TNK2: variants seen among roughly 807,000 people sequenced by gnomAD.
TNK2 encodes tyrosine kinase non receptor 2, also known as activated CDC42 kinase 1.
Under a neutral mutation model 101.8 loss-of-function variants are expected in TNK2, and 83 were observed. The observed-to-expected ratio is 0.82, with a 90% CI of 0.68 to 0.98. TNK2 has a LOEUF of 0.98. Ranked by LOEUF, TNK2 falls within the 50% of genes least tolerant of loss-of-function variation. The pLI is 0.00. For missense variants in TNK2, 1,665 were observed against 1,483.2 expected, an observed-to-expected ratio of 1.12 and a Z score of -2.01; for synonymous variants, 804 against 633.0, an observed-to-expected ratio of 1.27 and a Z score of -4.06.
At chr3:195,880,427 C>T (rs1235514664) in intron 6 of TNK2, among the ~76,000 whole-genome samples, 1 of 131,742 alleles carries the variant, frequency 7.6e-6, no homozygotes. Context: ...AGCAATGCCC[C>T]TTGAAGAGGA....
chr3:195,883,219 A>G lies in TNK2; in HGVS notation c.547T>C (p.Ser183Pro), dbSNP rs1754017568. 6.2e-7 allele frequency: 1 copy of G among 1,611,126 alleles called. No individual in the cohort carries two copies. The highest frequency in any genetic ancestry group is 8.5e-7 in the Non-Finnish European group (1 of 1,179,620). Residue 183 changes from serine to proline, a missense_variant, in exon 5 of 16, where the codon TCG becomes CCG. This residue lies in a region of TNK2 where 490 missense variants were observed against 522.5 expected (regional missense o/e 0.94). Coordinates refer to ENST00000672887, the MANE Select transcript of TNK2 (RefSeq NM_001382273.1). ...DFIREVNAMH[S>P]LDHRNLIRLY... is the part of the protein sequence containing the mutation. Reference sequence around the variant, plus strand: ...CGGATGAGGTTTCGGTGGTCGAGCGAGTGCATGGCATTGACCTCCCGGATG... The same window carrying G: ...CGGATGAGGTTTCGGTGGTCGAGCGGGTGCATGGCATTGACCTCCCGGATG...
intron 1 of TNK2, chr3:195,895,151 G>T: frequency 8.0e-7 from 1 of 1,254,568 alleles, no homozygotes; most frequent in Non-Finnish European, 1.1e-6. Flanking sequence ...TCTCACTCCT[G>T]AGGCCGCCGC....
chr3:195,898,016 G>A (rs1286879242), intron 1 of TNK2, among the ~76,000 whole-genome samples: 1 of 151,496 alleles, frequency 6.6e-6, no homozygotes, highest in Admixed American at 6.6e-5. Context: ...GACATTTACA[G>A]GGCAGCTCCA....
chr3:195,886,947 T>C lies in TNK2; in HGVS notation c.234+30A>G, dbSNP rs372854074. ...AGGGGGGCGTTCGAGGCTGCCCCCC[T>C]CCCACCTCCTCACCCACCTCCTCAC... On this transcript the variant is annotated intron_variant, in intron 3 of 15. Coordinates refer to ENST00000672887, the MANE Select transcript of TNK2 (RefSeq NM_001382273.1). The surrounding 1 kb of genome is among the most constrained non-coding windows in gnomAD (Gnocchi z 4.2). The C allele has an allele frequency of 2.5e-6, 3 of 1,204,926 alleles. No homozygotes were observed. The highest frequency in any genetic ancestry group is 1.5e-5 in the African/African-American group (1 of 64,706). The allele number at this position is 1,204,926 out of a possible 1,614,324, so 74.6% of individuals were successfully genotyped here.
intron 9 of TNK2, chr3:195,876,758 G>A (rs898882161): frequency 1.9e-5 from 8 of 415,772 alleles, no homozygotes; most frequent in Admixed American, 5.3e-5. Context: ...ACGGAAGGGC[G>A]GGGCGGGGCA....
rs771037725 is a variant in TNK2 at position 195,882,440 on chromosome 3, C to G, written c.610-112G>C. ...GAAGGCTTTCCAGAGCCAGGCTGCACGCACCTTCCTGGCCTGCTGTCTGGG... is the reference window on the plus strand; with the variant it reads ...GAAGGCTTTCCAGAGCCAGGCTGCAGGCACCTTCCTGGCCTGCTGTCTGGG... On this transcript the variant is annotated intron_variant, in intron 5 of 15. Coordinates refer to ENST00000672887, the MANE Select transcript of TNK2 (RefSeq NM_001382273.1). The surrounding 1 kb of genome is among the most constrained non-coding windows in gnomAD (Gnocchi z 4.2). 3 of 1,559,344 alleles carry G rather than the reference C, an allele frequency of 1.9e-6. No individual in the cohort carries two copies. Among genetic ancestry groups the G allele is most frequent in the East Asian group, 4.8e-5 (2 of 41,420 alleles).
At chr3:195,899,224 T>G (rs1204607430) in intron 1 of TNK2, among the ~76,000 whole-genome samples, 1 of 152,266 alleles carries the variant, frequency 6.6e-6, no homozygotes, top group Non-Finnish European at 1.5e-5. Context: ...CTTCTGTAAA[T>G]TCCCATTTCC....
Position 195,872,347 on chromosome 3 carries a change from G to A in TNK2, c.1380C>T (p.Asn460=). 1 of 1,613,412 alleles carries A rather than the reference G, an allele frequency of 6.2e-7. No individual in the cohort carries two copies. Among genetic ancestry groups the A allele is most frequent in the Non-Finnish European group, 8.5e-7 (1 of 1,179,932 alleles). Residue 460 remains asparagine, a synonymous_variant, in exon 10 of 16, where the codon AAC becomes AAT. Transcript: ENST00000672887. ...CGCCATGCCCTGTGTGGATGAAGCT[G>A]TTCTGCAGGGGCTGGCTGATGTCCT... The part of the protein sequence containing the change: ...SAQDISQPLQ[N]SFIHTGHGDS...
rs1259251188 is a variant in TNK2, at chr3:195,879,111, C to A, written c.952G>T (p.Val318Leu). ...TAGGTGAACATTTCCCACAGTGTCACCCCGAACATCCAGGTGTCGCTGGCA... is the reference window on the plus strand; with the variant it reads ...TAGGTGAACATTTCCCACAGTGTCAACCCGAACATCCAGGTGTCGCTGGCA... ...SHASDTWMFG[V>L]TLWEMFTYGQ... Residue 318 changes from valine (V) to leucine (L), a missense_variant, in exon 7 of 16, where the codon GTG becomes TTG. Coordinates refer to ENST00000672887, the MANE Select transcript of TNK2 (RefSeq NM_001382273.1). 9 of 1,613,918 alleles carry A rather than the reference C, an allele frequency of 5.6e-6. No homozygotes were observed. The highest frequency in any genetic ancestry group is 7.6e-6 in the Non-Finnish European group (9 of 1,180,006).
At chr3:195,887,955 C>T (rs1049906276) in intron 2 of TNK2, among the ~76,000 whole-genome samples, 5 of 148,178 alleles carry the variant, frequency 3.4e-5, no homozygotes, top group East Asian at 2.1e-4. Flanking sequence ...TGTGTGCCTG[C>T]GTGTGTGTGT....
At chr3:195,890,793 G>A (rs922203855) in intron 1 of TNK2, among the ~76,000 whole-genome samples, 10 of 152,142 alleles carry the variant, frequency 6.6e-5, no homozygotes, top group Non-Finnish European at 1.5e-4. Context: ...AGGGAAAATG[G>A]ACTTTGCTTT....
rs1161165754 is a variant in TNK2, at chr3:195,885,192, A to G, written c.235-159T>C. ...TGGGGCAGCCTGGCTGGAGGCCCACACTCCGTCCAGGGCACACCCCCAAAC... is the reference window on the plus strand; with the variant it reads ...TGGGGCAGCCTGGCTGGAGGCCCACGCTCCGTCCAGGGCACACCCCCAAAC... On this transcript the variant is annotated intron_variant, in intron 3 of 15. Coordinates refer to ENST00000672887, the MANE Select transcript of TNK2 (RefSeq NM_001382273.1). The surrounding 1 kb of genome is among the most constrained non-coding windows in gnomAD (Gnocchi z 4.7). 1 of 999,632 alleles carries G rather than the reference A, an allele frequency of 1.0e-6. No individual in the cohort carries two copies. Among genetic ancestry groups the G allele is most frequent in the African/African-American group, 1.6e-5 (1 of 61,044 alleles). The allele number at this position is 999,632 out of a possible 1,614,324, so 61.9% of individuals were successfully genotyped here.
At chr3:195,869,405 G>T in intron 12 of TNK2, 92 bp downstream of exon 12, 1 of 1,324,834 alleles carries the variant, frequency 7.5e-7, no homozygotes, top group Non-Finnish European at 1.1e-6. Context: ...CTCCCCTCCG[G>T]CCCAGCCGCC....
At chr3:195,898,504 G>A (rs1057502014) in intron 1 of TNK2, among the ~76,000 whole-genome samples, 1 of 152,190 alleles carries the variant, frequency 6.6e-6, no homozygotes, top group African/African-American at 2.4e-5. Context: ...TGGCACGCAC[G>A]CCCTCTGGGC....
intron 1 of TNK2, chr3:195,895,660 G>C: frequency 8.2e-7 from 1 of 1,225,368 alleles, no homozygotes; most frequent in Non-Finnish European, 1.0e-6. Flanking sequence ...CCGCGGAACC[G>C]GGCTCCACTC....
chr3:195,867,486 A>T lies in TNK2; in HGVS notation c.2812T>A (p.Phe938Ile). Residue 938 changes from phenylalanine (F) to isoleucine (I), a missense_variant, in exon 13 of 16, where the codon TTC becomes ATC. Phe to Ile is a conservative substitution (Grantham distance 21). Transcript: ENST00000672887. ...CCTGGGTTGCTGTTGTTGGTGGAGA[A>T]GTTGGCCTTGGGGTCCAAGGCAGCC... ...PQAALDPKAN[F>I]STNNSNPGAR... 1 of 1,537,710 alleles carries T rather than the reference A, an allele frequency of 6.5e-7. No individual in the cohort carries two copies. The highest frequency in any genetic ancestry group is 2.4e-5 in the East Asian group (1 of 41,592).
intron 1 of TNK2, chr3:195,895,106 C>T: frequency 1.3e-6 from 1 of 786,758 alleles, no homozygotes; most frequent in Non-Finnish European, 1.9e-6. Context: ...CACATAAACA[C>T]ACCGCTCTCT....
chr3:195,887,483 C>T (rs1040655007), intron 2 of TNK2, among the ~76,000 whole-genome samples: 3 of 152,212 alleles, frequency 2.0e-5, no homozygotes, highest in Non-Finnish European at 4.4e-5. Flanking sequence ...TAACTTGACA[C>T]GTTATTACCT....
At chr3:195,870,450 A>T (rs1304784310) in intron 10 of TNK2, 1 of 1,323,096 alleles carries the variant, frequency 7.6e-7, no homozygotes, top group Admixed American at 2.2e-5. Flanking sequence ...CTCCAACTAC[A>T]CCCTACAAGG....
Sources: gnomAD v4.1 joint callset for allele counts (sites outside exome capture counted in the v4.1 genomes callset) on GRCh38, gnomAD v4.1.1 for gene constraint, gnomAD v4.1.1 regional missense constraint, Gnocchi (gnomAD v3.1) non-coding constraint, MANE v1.5 for transcripts, NCBI Gene and HGNC (gene_info 2026-07-23, HGNC 2026-07-21) for gene names.